LRFN5: variants seen among roughly 807,000 people sequenced by gnomAD.
The protein encoded by LRFN5 is leucine rich repeat and fibronectin type III domain containing 5.
A neutral mutation model predicts 45.6 loss-of-function variants in LRFN5; 24 were observed. The observed-to-expected ratio is 0.53, with a 90% CI of 0.38 to 0.74. The LOEUF is 0.74. LRFN5 is among the 30% of genes least tolerant of loss of function. The pLI, the probability that LRFN5 is intolerant of heterozygous loss-of-function variation, is 0.00. For synonymous variants in LRFN5, 340 were observed against 313.8 expected (o/e 1.08, Z -0.88); for missense variants, 776 against 861.5 (o/e 0.90, Z 1.24).
At chr14:41,752,764 G>T (rs1467418405) in intron 1 of LRFN5, among the ~76,000 whole-genome samples, 4 of 152,082 alleles carry the variant, frequency 2.6e-5, no homozygotes, top group Non-Finnish European at 5.9e-5. Context: ...AAGCTCTTTA[G>T]TTTAATTAGA....
intron 2 of LRFN5, among the ~76,000 whole-genome samples, chr14:41,817,518 T>C (rs1887963256): frequency 6.6e-6 from 1 of 152,100 alleles, no homozygotes; most frequent in Non-Finnish European, 1.5e-5. Context: ...TTAGTTCACT[T>C]CTGCCACTCT....
intron 1 of LRFN5, among the ~76,000 whole-genome samples, chr14:41,665,868 T>G (rs925567268): frequency 7.9e-5 from 12 of 152,146 alleles, no homozygotes; most frequent in Non-Finnish European, 1.3e-4. Flanking sequence ...ATTATATTAC[T>G]ATGTAAAATT....
intron 1 of LRFN5, among the ~76,000 whole-genome samples, chr14:41,754,954 T>G (rs147052713): frequency 0.76 from 115,341 of 151,782 alleles, 44,203 homozygotes; most frequent in East Asian, 0.97. Flanking sequence ...CAGAGATTCT[T>G]GTATGTTGTG....
chr14:41,847,799 A>G (rs1889121544), intron 2 of LRFN5, among the ~76,000 whole-genome samples: 2 of 152,094 alleles, frequency 1.3e-5, no homozygotes, highest in African/African-American at 2.4e-5. Context: ...TTTCACATAC[A>G]TACTGTACAT....
chr14:41,781,394 A>T (rs1886476785), intron 2 of LRFN5, among the ~76,000 whole-genome samples: 1 of 151,628 alleles, frequency 6.6e-6, no homozygotes, highest in African/African-American at 2.4e-5. Flanking sequence ...GCTACTAGGG[A>T]GGCTGATCTG....
rs1213496696 is a variant in LRFN5 at position 41,851,503 on chromosome 14, G to A, written c.-20-35103G>A. On this transcript the variant is annotated intron_variant, in intron 2 of 5. Transcript: ENST00000298119. Reference sequence around the variant, plus strand: ...TACTTATGTAAAAGTTCCCCAATATGGAACCACAATTCTTTGAAAAATTAA... The same window carrying A: ...TACTTATGTAAAAGTTCCCCAATATAGAACCACAATTCTTTGAAAAATTAA... 2.6e-5 allele frequency among the ~76,000 whole-genome samples: 4 copies of A among 151,552 alleles called. No individual in the cohort carries two copies. In the East Asian group the frequency reaches 7.7e-4, roughly 29 times the overall value.
At chr14:41,903,044 C>T (rs1205527046) in intron 5 of LRFN5, among the ~76,000 whole-genome samples, 1 of 151,350 alleles carries the variant, frequency 6.6e-6, no homozygotes, top group Non-Finnish European at 1.5e-5. Context: ...AAATAAGATA[C>T]ACACTGGTCC....
At chr14:41,645,038 G>A (rs1879750299) in intron 1 of LRFN5, among the ~76,000 whole-genome samples, 1 of 152,104 alleles carries the variant, frequency 6.6e-6, no homozygotes, top group South Asian at 2.1e-4. Flanking sequence ...AGTCCAACTG[G>A]GCCTGTGTGT....
intron 1 of LRFN5, among the ~76,000 whole-genome samples, chr14:41,652,961 T>C (rs1880202101): frequency 6.6e-6 from 1 of 152,198 alleles, no homozygotes; most frequent in Non-Finnish European, 1.5e-5. Flanking sequence ...GTATGTCTTC[T>C]TTAGAGAACT....
chr14:41,625,186 T>C (rs1009367925), intron 1 of LRFN5, among the ~76,000 whole-genome samples: 7 of 152,164 alleles, frequency 4.6e-5, no homozygotes, highest in African/African-American at 1.7e-4. Flanking sequence ...TACTCTAACG[T>C]TGATATGGTT....
At chr14:41,883,672 G>C (rs2139144057) in intron 2 of LRFN5, among the ~76,000 whole-genome samples, 1 of 152,258 alleles carries the variant, frequency 6.6e-6, no homozygotes. Context: ...TGAGGAGTCA[G>C]CAGTTACTTT....
Position 41,894,555 on chromosome 14 carries a change from G to A in LRFN5, c.2098+2593G>A, listed in dbSNP as rs1038171880. On this transcript the variant is annotated intron_variant, in intron 4 of 5. Transcript: ENST00000298119. The stretch of plus-strand genomic sequence containing the variant: ...TATTTTAAGAGATTAACAAAAGACT[G>A]GCTTATCAAGAAGGTCAAAATTTTT... 4.2e-6 allele frequency: 4 copies of A among 963,590 alleles called. No individual in the cohort carries two copies. The African/African-American group carries it at 7.1e-5, about 17-fold the overall frequency. 59.7% of individuals were successfully genotyped at this position (963,590 alleles called of 1,614,324 possible).
chr14:41,875,238 T>C (rs915202845), intron 2 of LRFN5, among the ~76,000 whole-genome samples: 3 of 152,368 alleles, frequency 2.0e-5, no homozygotes, highest in East Asian at 3.9e-4. Context: ...CTTCTGCACA[T>C]GCATAGGAAA....
chr14:41,813,505 C>T (rs543738344), intron 2 of LRFN5, among the ~76,000 whole-genome samples: 1 of 152,272 alleles, frequency 6.6e-6, no homozygotes, highest in Non-Finnish European at 1.5e-5. Context: ...TCATCCATGT[C>T]CCTACAAAGG....
At position 41,754,231 on chromosome 14, in the gene LRFN5, T is replaced by C. The variant is rs1566653605; in HGVS notation, c.-196-12623T>C. ...GATATTGGTCTAAAATTCTCTTTTTTTGTTGTGTCTCTGCCAGGCTTTGGT... is the reference window on the plus strand; with the variant it reads ...GATATTGGTCTAAAATTCTCTTTTTCTGTTGTGTCTCTGCCAGGCTTTGGT... On this transcript the variant is annotated intron_variant, in intron 1 of 5. Transcript: ENST00000298119. Among the ~76,000 whole-genome samples the C allele has an allele frequency of 1.2e-4, 18 of 151,488 alleles. No homozygotes were observed. The East Asian group carries it at 1.9e-3, about 16-fold the overall frequency.
intron 2 of LRFN5, among the ~76,000 whole-genome samples, chr14:41,877,980 G>T (rs149466824): frequency 6.6e-6 from 1 of 151,924 alleles, no homozygotes; most frequent in East Asian, 1.9e-4. Context: ...ATCCCAAAAT[G>T]TAATTGTTCC....
rs377237282 is a variant in LRFN5, at chr14:41,893,376, A to G, written c.2098+1414A>G. On this transcript the variant is annotated intron_variant, in intron 4 of 5. Transcript: ENST00000298119. ...TATTAAAGATCTATAAACAGTTACCATCAAAGAGGTTTTATTTTGTTTTGT... is the reference window on the plus strand; with the variant it reads ...TATTAAAGATCTATAAACAGTTACCGTCAAAGAGGTTTTATTTTGTTTTGT... 853 of 984,046 alleles carry G rather than the reference A, an allele frequency of 8.7e-4. 14 individuals carry two copies. In the African/African-American group the frequency reaches 0.014, roughly 16 times the overall value. 61.0% of individuals were successfully genotyped at this position (984,046 alleles called of 1,614,324 possible).
chr14:41,710,651 G>A (rs1032389179), intron 1 of LRFN5, among the ~76,000 whole-genome samples: 1 of 151,764 alleles, frequency 6.6e-6, no homozygotes, highest in Non-Finnish European at 1.5e-5. Context: ...TCAAGTTCTA[G>A]GGTACATGTG....
intron 1 of LRFN5, among the ~76,000 whole-genome samples, chr14:41,666,067 A>G (rs1265808881): frequency 2.6e-5 from 4 of 152,006 alleles, no homozygotes; most frequent in African/African-American, 9.7e-5. Context: ...TTTAACTAGC[A>G]TTCTCTTCAC....
Sources: allele counts gnomAD v4.1 joint callset (sites outside exome capture counted in the v4.1 genomes callset), GRCh38; gene constraint gnomAD v4.1.1; transcripts MANE v1.5; gene names NCBI Gene and HGNC (gene_info 2026-07-23, HGNC 2026-07-21).